The following EBF1 variants were observed in gnomAD, a reference collection of about 807,000 sequenced individuals.
EBF1 encodes the protein EBF transcription factor 1, also known as transcription factor COE1.
Under a neutral mutation model 68.4 loss-of-function variants are expected in EBF1, and 10 were observed. The ratio of observed to expected loss-of-function variants is 0.15; its 90% CI spans 0.09 to 0.25. EBF1 has a LOEUF of 0.25. EBF1 is among the 10% of genes least tolerant of loss of function. EBF1 has a pLI of 1.00. For missense variants in EBF1, 509 were observed against 794.4 expected, an observed-to-expected ratio of 0.64 and a Z score of 4.32; for synonymous variants, 298 against 299.8, an observed-to-expected ratio of 0.99 and a Z score of 0.06.
intron 8 of EBF1, among the ~76,000 whole-genome samples, chr5:158,809,755 T>A (rs1782277016): frequency 6.6e-6 from 1 of 152,172 alleles, no homozygotes; most frequent in Non-Finnish European, 1.5e-5. Flanking sequence ...AAACACACAC[T>A]GAGTCTGAAC....
At chr5:158,699,367 A>G (rs1217543687) in intron 15 of EBF1, among the ~76,000 whole-genome samples, 1 of 148,028 alleles carries the variant, frequency 6.8e-6, no homozygotes, top group Non-Finnish European at 1.5e-5. Flanking sequence ...CTTTAACAGA[A>G]CAAAATATCC....
intron 6 of EBF1, among the ~76,000 whole-genome samples, chr5:158,875,185 T>G (rs1797613852): frequency 6.6e-6 from 1 of 152,100 alleles, no homozygotes; most frequent in South Asian, 2.1e-4. Flanking sequence ...AGTTACATAT[T>G]TTTCTTTTCT....
chr5:158,813,905 C>T (rs1240221815), intron 8 of EBF1, among the ~76,000 whole-genome samples: 1 of 152,162 alleles, frequency 6.6e-6, no homozygotes, highest in Non-Finnish European at 1.5e-5. Flanking sequence ...CCATAAACAT[C>T]ATTTGAAGCC....
chr5:159,091,722 G>A (rs1030361234), intron 4 of EBF1, among the ~76,000 whole-genome samples: 17 of 152,116 alleles, frequency 1.1e-4, no homozygotes, highest in African/African-American at 3.1e-4. Flanking sequence ...CTTAAAGTAC[G>A]GGGAAGATCA....
chr5:158,763,900 A>C (rs890731761), intron 10 of EBF1, among the ~76,000 whole-genome samples: 1 of 152,092 alleles, frequency 6.6e-6, no homozygotes, highest in Admixed American at 6.6e-5. Flanking sequence ...TCCTCTACAA[A>C]ATGTTAGGAT....
intron 7 of EBF1, among the ~76,000 whole-genome samples, chr5:158,830,220 C>T (rs1787214701): frequency 6.6e-6 from 1 of 152,094 alleles, no homozygotes; most frequent in South Asian, 2.1e-4. Context: ...AGAGGCAAGC[C>T]TGAAGGGAAA....
chr5:158,956,032 G>A (rs1395018307), intron 6 of EBF1, among the ~76,000 whole-genome samples: 210 of 11,654 alleles, frequency 0.018, no homozygotes, highest in African/African-American at 0.059. Context: ...ATATAAATGT[G>A]TGTGTGTGTG....
chr5:158,723,021 G>A (rs571662795), intron 11 of EBF1, among the ~76,000 whole-genome samples: 2 of 152,242 alleles, frequency 1.3e-5, no homozygotes, highest in East Asian at 3.9e-4. Context: ...TCCCCATCAA[G>A]AACTCAGTGC....
chr5:158,896,728 T>C (rs1311128654), intron 6 of EBF1, among the ~76,000 whole-genome samples: 1 of 152,210 alleles, frequency 6.6e-6, no homozygotes, highest in Non-Finnish European at 1.5e-5. Flanking sequence ...CTTCTTTCAT[T>C]ACTCCATTAA....
intron 6 of EBF1, chr5:158,941,289 C>T (rs568765148): frequency 6.6e-5 from 30 of 454,678 alleles, no homozygotes; most frequent in Middle Eastern, 3.3e-4. Flanking sequence ...ATCAGGAACA[C>T]GTACAAATAC....
chr5:159,000,809 C>G (rs1050979226), intron 6 of EBF1, among the ~76,000 whole-genome samples: 1 of 152,006 alleles, frequency 6.6e-6, no homozygotes, highest in African/African-American at 2.4e-5. Flanking sequence ...AGTGATGTTA[C>G]AAAATGATGA....
At chr5:159,087,092 T>C (rs1177731407) in intron 4 of EBF1, among the ~76,000 whole-genome samples, 3 of 151,908 alleles carry the variant, frequency 2.0e-5, no homozygotes, top group South Asian at 2.1e-4. Context: ...TAGTACTACA[T>C]GGTTTGTATG....
intron 6 of EBF1, among the ~76,000 whole-genome samples, chr5:158,900,314 A>G (rs778325801): frequency 6.6e-6 from 1 of 152,130 alleles, no homozygotes; most frequent in Non-Finnish European, 1.5e-5. Context: ...GAGGGTGCAA[A>G]ACAAATTATA....
At chr5:158,788,128 T>C (rs6869972) in intron 9 of EBF1, among the ~76,000 whole-genome samples, 2 of 152,108 alleles carry the variant, frequency 1.3e-5, no homozygotes, top group East Asian at 3.8e-4. Flanking sequence ...AATTAAGCTG[T>C]ATTTATCCTG....
intron 6 of EBF1, among the ~76,000 whole-genome samples, chr5:158,859,763 C>T (rs547891624): frequency 6.6e-6 from 1 of 152,340 alleles, no homozygotes; most frequent in East Asian, 1.9e-4. Flanking sequence ...GCCCACTCCT[C>T]AAGCCAACTC....
At chr5:158,997,305 G>A (rs762091111) in intron 6 of EBF1, among the ~76,000 whole-genome samples, 27 of 152,164 alleles carry the variant, frequency 1.8e-4, no homozygotes, top group Non-Finnish European at 3.8e-4. Flanking sequence ...GCAGAGGCCA[G>A]GCGGAGGACC....
intron 6 of EBF1, among the ~76,000 whole-genome samples, chr5:159,063,573 G>A (rs1293123605): frequency 1.3e-5 from 2 of 152,144 alleles, no homozygotes; most frequent in African/African-American, 2.4e-5. Context: ...ATGAAGCCAG[G>A]AACTATGTTT....
intron 6 of EBF1, chr5:158,984,817 G>A (rs1758695138): frequency 6.6e-6 from 1 of 151,158 alleles, no homozygotes; most frequent in South Asian, 2.1e-4. Context: ...TTGAGTAGCT[G>A]GGACTACAGG....
chr5:158,698,680 C>G lies in EBF1; in HGVS notation c.*431G>C. ...CTTTTTTTCTTTTTTTTTTTTTTTA[C>G]TTTTTTGTAAATATCACCACTTCAT... On this transcript the variant is annotated 3_prime_UTR_variant, in exon 16 of 16. Coordinates refer to ENST00000313708, the MANE Select transcript of EBF1 (RefSeq NM_024007.5). 1 of 113,394 alleles carries G rather than the reference C, an allele frequency of 8.8e-6. No homozygotes were observed. The highest frequency in any genetic ancestry group is 1.0e-4 in the Admixed American group (1 of 9,994). The allele number at this position is 113,394 out of a possible 1,614,324, so 7.0% of individuals were successfully genotyped here.
Sources: gnomAD v4.1 joint callset for allele counts (sites outside exome capture counted in the v4.1 genomes callset) on GRCh38, gnomAD v4.1.1 for gene constraint, MANE v1.5 for transcripts, NCBI Gene and HGNC (gene_info 2026-07-23, HGNC 2026-07-21) for gene names.